PRICKLE2: variants seen among roughly 807,000 people sequenced by gnomAD.
PRICKLE2 encodes prickle-like protein 2.
PRICKLE2 carries 21 observed loss-of-function variants against 81.4 expected under a neutral mutation model. The observed-to-expected ratio is 0.26, with a 90% confidence interval of 0.18 to 0.37. The LOEUF is 0.37. Among genes scored for constraint, PRICKLE2 ranks in the 10% least tolerant of loss-of-function variants. The pLI is 1.00. For synonymous variants in PRICKLE2, 456 were observed against 421.5 expected, an observed-to-expected ratio of 1.08 and a Z score of -1.00; for missense variants, 940 against 1,109.0, an observed-to-expected ratio of 0.85 and a Z score of 2.16.
At chr3:64,251,587 C>T (rs761577020) in intron 2 of PRICKLE2, among the ~76,000 whole-genome samples, 4 of 152,182 alleles carry the variant, frequency 2.6e-5, no homozygotes, top group African/African-American at 4.8e-5. Flanking sequence ...GATTCCCCTT[C>T]ACATATTGGT....
chr3:64,255,903 C>G (rs1426405285), intron 2 of PRICKLE2, among the ~76,000 whole-genome samples: 2 of 152,080 alleles, frequency 1.3e-5, no homozygotes, highest in African/African-American at 4.8e-5. Flanking sequence ...TTCTTGTTGC[C>G]TGGAATGCAG....
In PRICKLE2 at chr3:64,172,315, C is replaced by T. The variant is rs538672419; in HGVS notation, c.145-9186G>A. Among the ~76,000 whole-genome samples the T allele has an allele frequency of 6.4e-4, 97 of 152,348 alleles. 1 individual carries two copies. The highest frequency in any genetic ancestry group is 2.1e-3 in the African/African-American group (88 of 41,586). Reference sequence around the variant, plus strand: ...ATATGCCCTATTAAAAATTCCCCAACAGTTGCTAACTTCATTTGACAACAG... The same window carrying T: ...ATATGCCCTATTAAAAATTCCCCAATAGTTGCTAACTTCATTTGACAACAG... On this transcript the variant is annotated intron_variant, in intron 2 of 7. Transcript: ENST00000638394.
Position 64,094,165 on chromosome 3 carries a change from A to T in PRICKLE2, c.*4886T>A, listed in dbSNP as rs920265858. 2 of 152,228 alleles carry T rather than the reference A, an allele frequency of 1.3e-5. No individual in the cohort carries two copies. Among genetic ancestry groups the T allele is most frequent in the Non-Finnish European group, 2.9e-5 (2 of 68,046 alleles). 9.4% of individuals were successfully genotyped at this position (152,228 alleles called of 1,614,324 possible). ...AGGAAAGAATGAGTTTAGGAGAGGAAAACCTGCCGAAGTCCTAATTTGCTA... is the reference window on the plus strand; with the variant it reads ...AGGAAAGAATGAGTTTAGGAGAGGATAACCTGCCGAAGTCCTAATTTGCTA... On this transcript the variant is annotated 3_prime_UTR_variant, in exon 8 of 8. Transcript: ENST00000638394.
rs778864749 is a variant in PRICKLE2 at position 64,147,147 on chromosome 3, T to C, written c.1343A>G (p.Asn448Ser). Residue 448 changes from asparagine to serine, a missense_variant, in exon 7 of 8, where the codon AAC becomes AGC. By Grantham distance (46) the Asn-to-Ser change is conservative. Around this residue, in one of 2 missense-constraint regions of PRICKLE2, gnomAD observed 670 missense variants for 717.2 expected, o/e 0.93. Coordinates refer to ENST00000638394, the MANE Select transcript of PRICKLE2 (RefSeq NM_198859.4). This position sits in a 1 kb window ranked among gnomAD's most constrained non-coding sequence, Gnocchi z 5.0. ...QPEMWGKHFS[N>S]PKRSSSLAMT... ...GGCCAGTGACGAGCTCCTTTTGGGG[T>C]TGCTGAAGTGCTTGCCCCACATTTC... is the stretch of plus-strand genomic sequence containing the variant. 3.7e-6 allele frequency: 6 copies of C among 1,614,134 alleles called. No individual in the cohort carries two copies. Among genetic ancestry groups the C allele is most frequent in the African/African-American group, 1.3e-5 (1 of 75,024 alleles).
At chr3:64,246,588 T>C (rs1436791137) in intron 2 of PRICKLE2, among the ~76,000 whole-genome samples, 1 of 152,216 alleles carries the variant, frequency 6.6e-6, no homozygotes, top group Non-Finnish European at 1.5e-5. Flanking sequence ...ATACAGATTG[T>C]TGGGCCCGTG....
chr3:64,235,607 C>T (rs995344501), intron 2 of PRICKLE2, among the ~76,000 whole-genome samples: 1 of 152,128 alleles, frequency 6.6e-6, no homozygotes, highest in Admixed American at 6.6e-5. Flanking sequence ...AAGTCTGTTT[C>T]CCTGGCAGTG....
At chr3:64,181,124 A>C (rs570540873) in intron 2 of PRICKLE2, among the ~76,000 whole-genome samples, 38 of 152,334 alleles carry the variant, frequency 2.5e-4, no homozygotes, top group South Asian at 8.3e-4. Flanking sequence ...TAATTGGGCA[A>C]GTTATAGCTT....
rs773146824 is a variant in PRICKLE2, at chr3:64,099,462, G to A, written c.2124C>T (p.Ile708=). 1.3e-6 allele frequency: 2 copies of A among 1,584,638 alleles called. No homozygotes were observed. Among genetic ancestry groups the A allele is most frequent in the Admixed American group, 1.7e-5 (1 of 57,770 alleles). Residue 708 remains isoleucine (I), a synonymous_variant, in exon 8 of 8, where the codon ATC becomes ATT. Coordinates refer to ENST00000638394, the MANE Select transcript of PRICKLE2 (RefSeq NM_198859.4). This position sits in a 1 kb window ranked among gnomAD's most constrained non-coding sequence, Gnocchi z 4.3. ...ALHLASEREA[I]SRLKDRPPLR... The stretch of plus-strand genomic sequence containing the variant: ...GAGGGGGCCTATCTTTTAACCGGGA[G>A]ATGGCCTCGCGTTCGCTGGCCAGGT...
chr3:64,098,929 A>T lies in PRICKLE2; in HGVS notation c.*122T>A. The T allele has an allele frequency of 1.8e-6, 2 of 1,103,068 alleles. No homozygotes were observed. Among genetic ancestry groups the T allele is most frequent in the Non-Finnish European group, 2.8e-6 (2 of 724,236 alleles). 68.3% of individuals were successfully genotyped at this position (1,103,068 alleles called of 1,614,324 possible). A position where few individuals can be genotyped will look rare whatever the true frequency, so the allele number is the denominator to read the frequency against. On this transcript the variant is annotated 3_prime_UTR_variant, in exon 8 of 8. Coordinates refer to ENST00000638394, the MANE Select transcript of PRICKLE2 (RefSeq NM_198859.4). ...TGTAACCTTGCCTCCATCTACTGACAGCATTTTCCCTTTTCTCCCCCATAA... is the reference window on the plus strand; with the variant it reads ...TGTAACCTTGCCTCCATCTACTGACTGCATTTTCCCTTTTCTCCCCCATAA...
At chr3:64,259,949 C>T (rs934678555) in intron 2 of PRICKLE2, among the ~76,000 whole-genome samples, 1 of 151,994 alleles carries the variant, frequency 6.6e-6, no homozygotes, top group Admixed American at 6.6e-5. Context: ...TACAGCAGCC[C>T]TAGGAAATGA....
chr3:64,158,389 C>T (rs1001216860), intron 4 of PRICKLE2, among the ~76,000 whole-genome samples: 3 of 152,334 alleles, frequency 2.0e-5, no homozygotes, highest in Middle Eastern at 3.4e-3. Flanking sequence ...CCTTACCTTC[C>T]GTGATAATGT....
At chr3:64,159,508 A>T (rs2077695783) in intron 4 of PRICKLE2, among the ~76,000 whole-genome samples, 1 of 151,990 alleles carries the variant, frequency 6.6e-6, no homozygotes, top group Non-Finnish European at 1.5e-5. Context: ...TGGCCAACTC[A>T]CTGTTGAACA....
Position 64,191,841 on chromosome 3 carries a change from T to C in PRICKLE2, c.144+6943A>G, listed in dbSNP as rs1171166465. ...ACCAGGCTGTTTCCTCCTCATGCCATGGCTCCCACTGGGCTCCCGAGATTC... is the reference window on the plus strand; with the variant it reads ...ACCAGGCTGTTTCCTCCTCATGCCACGGCTCCCACTGGGCTCCCGAGATTC... On this transcript the variant is annotated intron_variant, in intron 2 of 7. Transcript: ENST00000638394. Among the ~76,000 whole-genome samples, 3 of 152,332 alleles carry C rather than the reference T, an allele frequency of 2.0e-5. No homozygotes were observed. In the East Asian group the frequency reaches 5.8e-4, roughly 29 times the overall value.
chr3:64,133,749 A>C (rs2077233911), intron 7 of PRICKLE2, among the ~76,000 whole-genome samples: 1 of 152,160 alleles, frequency 6.6e-6, no homozygotes, highest in South Asian at 2.1e-4. Context: ...CAAGGCTGTA[A>C]ATCAGATTCA....
In PRICKLE2 at chr3:64,097,712, C is replaced by G. The variant is rs559832659; in HGVS notation, c.*1339G>C. 1.3e-5 allele frequency: 2 copies of G among 152,720 alleles called. No homozygotes were observed. Among genetic ancestry groups the G allele is most frequent in the South Asian group, 4.2e-4 (2 of 4,818 alleles). The allele number at this position is 152,720 out of a possible 1,614,324, so 9.5% of individuals were successfully genotyped here. ...CTGAAATCTCAGCAGCTCAACCTTC[C>G]TGGGTAATCCAGATACTCTGGTTAC... On this transcript the variant is annotated 3_prime_UTR_variant, in exon 8 of 8. Coordinates refer to ENST00000638394, the MANE Select transcript of PRICKLE2 (RefSeq NM_198859.4).
chr3:64,213,568 C>A lies in PRICKLE2; in HGVS notation c.-41+11342G>T, dbSNP rs545145876. 1.8e-4 allele frequency among the ~76,000 whole-genome samples: 28 copies of A among 152,226 alleles called. 1 individual carries two copies. The South Asian group carries it at 5.4e-3, about 29-fold the overall frequency. ...CTTTATAGATGAAGAAAGTGAAGTT[C>A]AGAGAAGCCAAGTACTGTGGTTACT... is the stretch of plus-strand genomic sequence containing the variant. On this transcript the variant is annotated intron_variant, in intron 1 of 7. Coordinates refer to ENST00000638394, the MANE Select transcript of PRICKLE2 (RefSeq NM_198859.4).
At chr3:64,190,290 A>G (rs1354732778) in intron 2 of PRICKLE2, 1 of 152,144 alleles carries the variant, frequency 6.6e-6, no homozygotes, top group Non-Finnish European at 1.5e-5. Flanking sequence ...TTTTGTTTTT[A>G]TAGGATACAT....
rs552573146 is a variant in PRICKLE2, at chr3:64,205,099, G to A, written c.-40-6132C>T. On this transcript the variant is annotated intron_variant, in intron 1 of 7. Transcript: ENST00000638394. ...GAACCTGCTAGCAAAGCAGGATTTC[G>A]TTAAAAAAAAAAAAAAACATACAAA... 5.4e-3 allele frequency among the ~76,000 whole-genome samples: 280 copies of A among 52,260 alleles called. 2 individuals carry two copies. Among genetic ancestry groups the A allele is most frequent in the African/African-American group, 0.012 (268 of 22,022 alleles). 34.3% of individuals were successfully genotyped at this position (52,260 alleles called of 152,430 possible). A position where few individuals can be genotyped will look rare whatever the true frequency, so the allele number is the denominator to read the frequency against.
chr3:64,122,095 G>A (rs1268192118), intron 7 of PRICKLE2, among the ~76,000 whole-genome samples: 3 of 152,126 alleles, frequency 2.0e-5, no homozygotes, highest in Non-Finnish European at 4.4e-5. Context: ...TTCATAAAGG[G>A]GGTAAAAGGG....
Sources: gnomAD v4.1 joint callset for allele counts (sites outside exome capture counted in the v4.1 genomes callset) on GRCh38, gnomAD v4.1.1 for gene constraint, gnomAD v4.1.1 regional missense constraint, Gnocchi (gnomAD v3.1) non-coding constraint, MANE v1.5 for transcripts, NCBI Gene and HGNC (gene_info 2026-07-23, HGNC 2026-07-21) for gene names.